Variants in SLC27A6 observed in about 807,000 individuals in gnomAD.
SLC27A6 encodes the protein solute carrier family 27 member 6.
SLC27A6 carries 74 observed loss-of-function variants against 63.9 expected under a neutral mutation model. The ratio of observed to expected loss-of-function variants is 1.16; its 90% confidence interval spans 0.96 to 1.40. SLC27A6 has a LOEUF of 1.40. SLC27A6 is among the 40% of genes most tolerant of loss of function. The probability of loss-of-function intolerance (pLI) is 0.00; values close to 1 mark genes in which losing one functional copy is unlikely to be tolerated. For synonymous variants in SLC27A6, 287 were observed against 260.8 expected (o/e 1.10, Z -0.97); for missense variants, 794 against 732.9 (o/e 1.08, Z -0.96).
intron 4 of SLC27A6, among the ~76,000 whole-genome samples, chr5:129,015,515 AG>A (rs1440626999): frequency 2.0e-5 from 3 of 152,212 alleles, no homozygotes; most frequent in Non-Finnish European, 4.4e-5. Flanking sequence ...AGAATTGTAT[AG>A]CTAATTACTG....
intron 4 of SLC27A6, among the ~76,000 whole-genome samples, chr5:129,001,283 C>T (rs757072070): frequency 1.3e-5 from 2 of 152,190 alleles, no homozygotes; most frequent in Non-Finnish European, 2.9e-5. Flanking sequence ...TGTTCTTCTG[C>T]CCCAGTTTAT....
At chr5:129,031,061 A>G (rs1403791217) in intron 9 of SLC27A6, among the ~76,000 whole-genome samples, 1 of 152,004 alleles carries the variant, frequency 6.6e-6, no homozygotes, top group Non-Finnish European at 1.5e-5. Context: ...TTCCAAGGCA[A>G]CATAAAATTC....
chr5:128,975,243 T>C (rs1183692058), intron 1 of SLC27A6, among the ~76,000 whole-genome samples: 1 of 152,106 alleles, frequency 6.6e-6, no homozygotes. Context: ...CCCAGCTACT[T>C]GGGAAGCTGA....
At chr5:129,020,724 C>T (rs1752046864) in intron 5 of SLC27A6, among the ~76,000 whole-genome samples, 2 of 151,942 alleles carry the variant, frequency 1.3e-5, no homozygotes, top group Non-Finnish European at 2.9e-5. Context: ...GAGAACAGTC[C>T]CCACAAGACC....
intron 6 of SLC27A6, among the ~76,000 whole-genome samples, chr5:129,025,223 G>T (rs1752197238): frequency 6.6e-6 from 1 of 152,072 alleles, no homozygotes; most frequent in Non-Finnish European, 1.5e-5. Flanking sequence ...TCTTCACAAT[G>T]TAAATTATGC....
intron 4 of SLC27A6, among the ~76,000 whole-genome samples, chr5:128,994,428 A>C (rs928705693): frequency 1.3e-5 from 2 of 152,184 alleles, no homozygotes; most frequent in African/African-American, 4.8e-5. Flanking sequence ...GAAAAGGAGA[A>C]AGTCATTCTG....
intron 4 of SLC27A6, among the ~76,000 whole-genome samples, chr5:128,999,784 G>C (rs771216661): frequency 5.3e-5 from 8 of 152,006 alleles, no homozygotes; most frequent in Non-Finnish European, 1.0e-4. Context: ...GGGCTTCTCT[G>C]ACCTCAAGCT....
rs773577960 is a variant in SLC27A6, at chr5:129,027,257, T to C, written c.1380T>C (p.Leu460=). The C allele has an allele frequency of 1.2e-6, 2 of 1,613,288 alleles. No homozygotes were observed. The highest frequency in any genetic ancestry group is 3.3e-5 in the Admixed American group (2 of 59,988). Residue 460 remains leucine (L), a synonymous_variant, in exon 7 of 10, where the codon CTT becomes CTC. Transcript: ENST00000262462. Reference sequence around the variant, plus strand: ...TTTTTAAGAAGGGAGATGTTTACCTTAATACTGGAGACTTAATAGTCCAGG... The same window carrying C: ...TTTTTAAGAAGGGAGATGTTTACCTCAATACTGGAGACTTAATAGTCCAGG... ...CDVFKKGDVY[L]NTGDLIVQDQ... is the part of the protein sequence containing the mutation.
chr5:128,981,715 C>G (rs1580708305), intron 1 of SLC27A6, among the ~76,000 whole-genome samples: 1 of 152,130 alleles, frequency 6.6e-6, no homozygotes, highest in South Asian at 2.1e-4. Context: ...GAGATAAAGT[C>G]ATTTCCTTAA....
At chr5:129,008,674 A>G (rs944946473) in intron 4 of SLC27A6, among the ~76,000 whole-genome samples, 4 of 152,206 alleles carry the variant, frequency 2.6e-5, no homozygotes, top group Non-Finnish European at 4.4e-5. Context: ...GGCGGGAACT[A>G]GAACAGAACT....
chr5:128,976,847 C>A (rs2526255), intron 1 of SLC27A6, among the ~76,000 whole-genome samples: 48,437 of 151,930 alleles, frequency 0.32, 8,468 homozygotes, highest in East Asian at 0.62. Context: ...GAAAGAGTTC[C>A]GGGTAATTGA....
chr5:128,985,786 A>G (rs1381165068), intron 2 of SLC27A6, among the ~76,000 whole-genome samples: 3 of 152,200 alleles, frequency 2.0e-5, no homozygotes, highest in Non-Finnish European at 4.4e-5. Context: ...ACTTGAAAAC[A>G]GTTCTCTATA....
At chr5:129,028,590 G>A (rs1752320434) in intron 8 of SLC27A6, 148 bp downstream of exon 8, 1 of 540,442 alleles carries the variant, frequency 1.9e-6, no homozygotes, top group South Asian at 2.5e-5. Flanking sequence ...AATGCCCCTT[G>A]ACCAAGCTAA....
chr5:128,980,312 A>G (rs1468571826), intron 1 of SLC27A6, among the ~76,000 whole-genome samples: 2 of 152,234 alleles, frequency 1.3e-5, no homozygotes, highest in African/African-American at 2.4e-5. Flanking sequence ...CAACAACTGT[A>G]TAAGTTGTAT....
intron 1 of SLC27A6, among the ~76,000 whole-genome samples, chr5:128,974,658 A>T (rs1750316193): frequency 6.6e-6 from 1 of 152,186 alleles, no homozygotes; most frequent in Admixed American, 6.5e-5. Context: ...GGGAGAGTAT[A>T]TTGAGGTAGA....
chr5:128,998,809 A>G (rs1452933749), intron 4 of SLC27A6, among the ~76,000 whole-genome samples: 1 of 152,168 alleles, frequency 6.6e-6, no homozygotes. Flanking sequence ...AGAAATGGTT[A>G]ATCTTTGTTC....
chr5:128,969,110 T>G (rs1750033291), intron 1 of SLC27A6, among the ~76,000 whole-genome samples: 1 of 152,174 alleles, frequency 6.6e-6, no homozygotes, highest in Non-Finnish European at 1.5e-5. Flanking sequence ...TCTGTTCTGC[T>G]CCGTTGGTCT....
At position 128,966,150 on chromosome 5, in the gene SLC27A6, T is replaced by A. The variant is rs1749880120; in HGVS notation, c.13T>A (p.Trp5Arg). 1.3e-6 allele frequency: 2 copies of A among 1,543,614 alleles called. No individual in the cohort carries two copies. The highest frequency in any genetic ancestry group is 1.7e-6 in the Non-Finnish European group (2 of 1,149,064). ...CCCAGTTGCCCCCATGCTTCTGTCA[T>A]GGCTAACAGTTCTAGGGGCTGGAAT... MLLS[W>R]LTVLGAGMVV... The change falls in exon 1 of 10, where the codon TGG becomes AGG. Residue 5 changes from tryptophan (W) to arginine (R), a missense_variant. Physicochemically the swap from Trp to Arg is moderately radical, Grantham distance 101. Transcript: ENST00000262462.
At chr5:128,970,004 T>G (rs1224889122) in intron 1 of SLC27A6, among the ~76,000 whole-genome samples, 1 of 152,174 alleles carries the variant, frequency 6.6e-6, no homozygotes, top group Non-Finnish European at 1.5e-5. Flanking sequence ...AGGCCTTTTC[T>G]GCATCTATTG....
Sources: gnomAD v4.1 joint callset for allele counts (sites outside exome capture counted in the v4.1 genomes callset) on GRCh38, gnomAD v4.1.1 for gene constraint, MANE v1.5 for transcripts, NCBI Gene and HGNC (gene_info 2026-07-23, HGNC 2026-07-21) for gene names.